The following LZTS2 variants were observed in gnomAD, a reference collection of about 807,000 sequenced individuals.
LZTS2 encodes the protein leucine zipper tumor suppressor 2.
LZTS2 carries 32 observed loss-of-function variants against 60.6 expected under a neutral mutation model. The observed-to-expected ratio is 0.53, with a 90% CI of 0.40 to 0.71. LZTS2 has a LOEUF of 0.71. LZTS2 is among the 30% of genes least tolerant of loss of function. LZTS2 has a pLI of 0.00. For synonymous variants in LZTS2, 360 were observed against 393.1 expected, an observed-to-expected ratio of 0.92 and a Z score of 1.00; for missense variants, 792 against 901.9, an observed-to-expected ratio of 0.88 and a Z score of 1.56.
chr10:101,002,395 A>T, exon 1 of LZTS2: 3 of 695,950 alleles, frequency 4.3e-6, no homozygotes, highest in Non-Finnish European at 6.6e-6. Flanking sequence ...CTTGGTGGGG[A>T]TCAGGGCTTG....
At chr10:100,997,018 T>TC (rs1174908864), upstream of LZTS2, 3 of 152,184 alleles carry the variant, frequency 2.0e-5, no homozygotes, top group Non-Finnish European at 4.4e-5. Context: ...GGCAGACCAC[T>TC]CCCCTCCCTG....
chr10:101,002,425 G>A, exon 1 of LZTS2: 2 of 1,023,404 alleles, frequency 2.0e-6, no homozygotes, highest in Non-Finnish European at 1.4e-6. Context: ...TCAAGGAGGT[G>A]TTTGGTCAGG....
At chr10:101,002,357 G>A (rs766397729) in exon 1 of LZTS2, 2 of 520,736 alleles carry the variant, frequency 3.8e-6, no homozygotes, top group Non-Finnish European at 6.4e-6. Context: ...GGGGAATTGA[G>A]ATTCATTCCA....
upstream of LZTS2, chr10:100,998,957 G>A (rs568429848): frequency 6.6e-6 from 1 of 152,586 alleles, no homozygotes; most frequent in Non-Finnish European, 1.5e-5. Context: ...GTGGGTGTTA[G>A]GGAGACTGTA....
chr10:101,006,997 C>T (rs977270380), exon 4 of LZTS2: 5 of 1,562,970 alleles, frequency 3.2e-6, no homozygotes, highest in Non-Finnish European at 4.3e-6. Flanking sequence ...TGATCCGCTA[C>T]CAGAAGCAGC....
chr10:100,996,999 G>A (rs556912037), upstream of LZTS2: 1 of 152,588 alleles, frequency 6.6e-6, no homozygotes, highest in East Asian at 1.9e-4. Context: ...GGCTGCTGGT[G>A]GAGTGCGGGG....
chr10:101,002,569 C>T, exon 1 of LZTS2: 1 of 1,536,682 alleles, frequency 6.5e-7, no homozygotes, highest in South Asian at 1.3e-5. Flanking sequence ...GCCAGTGCCA[C>T]TGGAGCCTGC....
exon 3 of LZTS2, chr10:101,005,477 G>A (rs779018764): frequency 1.6e-5 from 25 of 1,570,304 alleles, no homozygotes; most frequent in Middle Eastern, 3.4e-4. Context: ...GAGCGGCAGC[G>A]GCACTGGCAG....
chr10:101,005,377 C>G, intron 2 of LZTS2, 81 bp from the exon 4 acceptor site: 1 of 1,461,614 alleles, frequency 6.8e-7, no homozygotes, highest in South Asian at 1.4e-5. Flanking sequence ...CCTGAGCCCT[C>G]GGAAGTGGGC....
exon 1 of LZTS2, chr10:101,000,106 G>C (rs370363468): frequency 5.9e-5 from 9 of 152,302 alleles, no homozygotes; most frequent in Admixed American, 5.9e-4. Context: ...GCTTCCCGCC[G>C]CAGAATGGGA....
upstream of LZTS2, chr10:100,997,356 G>A (rs1284397094): frequency 1.3e-5 from 2 of 152,070 alleles, no homozygotes; most frequent in African/African-American, 4.8e-5. Flanking sequence ...CGCACTTGGT[G>A]GGGTCCCCGC....
exon 2 of LZTS2, chr10:101,003,972 G>A (rs1366232533): frequency 3.1e-6 from 5 of 1,611,816 alleles, no homozygotes; most frequent in Non-Finnish European, 1.7e-6. Flanking sequence ...TGTGGCTGGG[G>A]GGCTTTTGGG....
At chr10:101,003,194 CAGTA>C in intron 1 of LZTS2, 1 of 555,656 alleles carries the variant, frequency 1.8e-6, no homozygotes, top group Admixed American at 3.6e-5. Flanking sequence ...AGCATGTACG[CAGTA>C]AGTGCTAGTT....
upstream of LZTS2, among the ~76,000 whole-genome samples, chr10:100,997,417 C>T (rs1288953957): frequency 6.6e-6 from 1 of 152,218 alleles, no homozygotes; most frequent in African/African-American, 2.4e-5. Flanking sequence ...ACGGGCCCCA[C>T]ACACGCGTGC....
exon 4 of LZTS2, chr10:101,006,702 G>A (rs528162274): frequency 7.5e-6 from 12 of 1,600,168 alleles, no homozygotes; most frequent in Middle Eastern, 2.0e-4. Context: ...GAGCTGCAGC[G>A]ACACCGCCAG....
Position 101,006,438 on chromosome 10 carries a change from C to A in LZTS2, c.1327-47C>A, listed in dbSNP as rs757371733. 5.1e-6 allele frequency: 8 copies of A among 1,561,316 alleles called. No individual in the cohort carries two copies. In the Admixed American group the frequency reaches 7.3e-5, roughly 14 times the overall value. On this transcript the variant is annotated intron_variant, in intron 3 of 3. Coordinates refer to ENST00000370220, the Ensembl canonical transcript of LZTS2. ...GCATGATGTGCAGGGCCTGTCCCCC[C>A]AGGAGAACCTGTCTCACCATCCTTC...
In LZTS2 at chr10:101,006,849, C is replaced by T. The variant is rs191593351; in HGVS notation, c.1691C>T (p.Ala564Val). ...GATGAGGCCAAAGTGCAGCGGGCAG[C>T]AGCCGGGGTTGGGGGCAGCTTGCGG... Residue 564 changes from alanine to valine, a missense_variant, in exon 4 of 4, where the codon GCA becomes GTA. Transcript: ENST00000370220. 8.5e-6 allele frequency: 13 copies of T among 1,535,986 alleles called. No homozygotes were observed. The African/African-American group carries it at 9.5e-5, about 11-fold the overall frequency.
Position 101,003,638 on chromosome 10 carries a change from G to A in LZTS2, c.540G>A (p.Thr180=), listed in dbSNP as rs751282281. 2.2e-5 allele frequency: 36 copies of A among 1,607,540 alleles called. 1 individual carries two copies. Among genetic ancestry groups the A allele is most frequent in the South Asian group, 1.4e-4 (13 of 90,342 alleles). Residue 180 remains threonine (T), a synonymous_variant, in exon 2 of 4, where the codon ACG becomes ACA. Transcript: ENST00000370220. ...TGTCTGGGAGCCAGGGCAGCCTGAC[G>A]CAGCTGTTTGGGGGCCCTGCCTCCT...
At position 101,007,247 on chromosome 10, in the gene LZTS2, G is replaced by A. The variant is rs1474173471; in HGVS notation, c.*79G>A. On this transcript the variant is annotated 3_prime_UTR_variant, in exon 4 of 4. Transcript: ENST00000370220. Reference sequence around the variant, plus strand: ...GATCCACTTAGGCCCCAGGGTCCACGGATGGCCCCAAAGGCTGAGGGCCCC... The same window carrying A: ...GATCCACTTAGGCCCCAGGGTCCACAGATGGCCCCAAAGGCTGAGGGCCCC... The A allele has an allele frequency of 1.3e-5, 19 of 1,448,536 alleles. No individual in the cohort carries two copies. In the East Asian group the frequency reaches 1.9e-4, roughly 15 times the overall value. The allele number at this position is 1,448,536 out of a possible 1,614,324, so 89.7% of individuals were successfully genotyped here. A position where few individuals can be genotyped will look rare whatever the true frequency, so the allele number is the denominator to read the frequency against.
Sources: allele counts gnomAD v4.1 joint callset (sites outside exome capture counted in the v4.1 genomes callset), GRCh38; gene constraint gnomAD v4.1.1; transcripts MANE v1.5; gene names NCBI Gene and HGNC (gene_info 2026-07-23, HGNC 2026-07-21).